The following TAB3 variants were observed in gnomAD, a reference collection of about 807,000 sequenced individuals.
The protein encoded by TAB3 is TGF-beta-activated kinase 1 and MAP3K7-binding protein 3.
In TAB3, 18 loss-of-function variants were observed where a neutral mutation model predicts 48.1. The observed-to-expected ratio is 0.37, with a 90% CI of 0.26 to 0.55. The LOEUF (loss-of-function observed/expected upper bound fraction) is 0.55, where lower values mean the gene tolerates loss of function less well. Ranked by LOEUF, TAB3 falls within the 20% of genes least tolerant of loss-of-function variation. The pLI, the probability that TAB3 is intolerant of heterozygous loss-of-function variation, is 0.78. For synonymous variants in TAB3, 185 were observed against 190.2 expected (o/e 0.97, Z 0.22); for missense variants, 414 against 549.8 (o/e 0.75, Z 2.47).
intron 1 of TAB3, among the ~76,000 whole-genome samples, chrX:30,876,837 T>C (rs1237904709): frequency 9.0e-6 from 1 of 111,566 alleles, no homozygotes; most frequent in African/African-American, 3.3e-5. Flanking sequence ...GTTGAGACAG[T>C]GAACCAAAAG....
intron 1 of TAB3, among the ~76,000 whole-genome samples, chrX:30,888,066 T>G (rs1732431716): frequency 8.9e-6 from 1 of 112,161 alleles, no homozygotes; most frequent in African/African-American, 3.2e-5. Context: ...CTGTGCAAAA[T>G]TAAACTCTCA....
chrX:30,843,105 A>ATT, intron 8 of TAB3, 56 bp from the exon 9 acceptor site: 5 of 693,895 alleles, frequency 7.2e-6, no homozygotes, highest in Non-Finnish European at 1.1e-5. Flanking sequence ...CTGTTATTTG[A>ATT]TTTTTTTTTA....
Position 30,873,438 on chromosome X carries a change from T to C in TAB3, c.-382-1637A>G, listed in dbSNP as rs376097862. 1.2e-4 allele frequency among the ~76,000 whole-genome samples: 12 copies of C among 102,607 alleles called. No homozygotes were observed. The East Asian group carries it at 2.7e-3, about 23-fold the overall frequency. The allele number at this position is 102,607 out of a possible 115,157, so 89.1% of individuals were successfully genotyped here. ...TACTCGGGAGGCTGAGGCAGGAGAA[T>C]GGCGTGAACCCGGGAGGCGGAGCTT... On this transcript the variant is annotated intron_variant, in intron 1 of 10. Transcript: ENST00000288422.
intron 8 of TAB3, chrX:30,843,476 T>C (rs1440142662): frequency 8.9e-6 from 1 of 112,179 alleles, no homozygotes; most frequent in East Asian, 2.8e-4. Context: ...TTTATCATAA[T>C]TTACCTTAAA....
At chrX:30,869,064 ATTT>A (rs1292480074) in intron 2 of TAB3, among the ~76,000 whole-genome samples, 1 of 98,974 alleles carries the variant, frequency 1.0e-5, no homozygotes, top group East Asian at 3.1e-4. Context: ...TCCACCCCAC[ATTT>A]TTTTTTTTTT....
At chrX:30,879,774 A>G (rs759485485) in intron 1 of TAB3, among the ~76,000 whole-genome samples, 16 of 111,935 alleles carry the variant, frequency 1.4e-4, no homozygotes, top group Non-Finnish European at 2.8e-4. Flanking sequence ...AAAGTATAAC[A>G]TTTCGAAAGG....
intron 1 of TAB3, among the ~76,000 whole-genome samples, chrX:30,888,053 A>T (rs1940180476): frequency 8.9e-6 from 1 of 112,109 alleles, no homozygotes; most frequent in Non-Finnish European, 1.9e-5. Context: ...TTATAATTTA[A>T]CACTGTGCAA....
chrX:30,859,051 A>G (rs1301927637), intron 5 of TAB3, among the ~76,000 whole-genome samples: 1 of 111,664 alleles, frequency 9.0e-6, no homozygotes, highest in Non-Finnish European at 1.9e-5. Flanking sequence ...AGGGACTGAT[A>G]GTACAACCCA....
At chrX:30,856,094 G>A (rs1177351520) in intron 5 of TAB3, among the ~76,000 whole-genome samples, 4 of 111,816 alleles carry the variant, frequency 3.6e-5, no homozygotes, top group Non-Finnish European at 7.5e-5. Context: ...TTCTAAAGCA[G>A]CCCTCATTTT....
At chrX:30,836,669 CCT>C (rs1481513061) in intron 9 of TAB3, 1 of 111,049 alleles carries the variant, frequency 9.0e-6, no homozygotes, top group Admixed American at 9.6e-5. Context: ...ATGGCGAAAC[CCT>C]GTCTCCACAA....
intron 4 of TAB3, among the ~76,000 whole-genome samples, chrX:30,862,409 T>A (rs1489042141): frequency 8.9e-6 from 1 of 111,855 alleles, no homozygotes; most frequent in Non-Finnish European, 1.9e-5. Context: ...CAACCTTAAT[T>A]ACAAGCCTTT....
intron 1 of TAB3, among the ~76,000 whole-genome samples, chrX:30,877,023 AC>A (rs771028166): frequency 8.9e-6 from 1 of 111,888 alleles, no homozygotes; most frequent in African/African-American, 3.2e-5. Flanking sequence ...CTGTCAAACC[AC>A]ATGTGTAACA....
At chrX:30,839,934 AT>A (rs1408022671) in intron 9 of TAB3, among the ~76,000 whole-genome samples, 112 of 96,507 alleles carry the variant, frequency 1.2e-3, no homozygotes, top group African/African-American at 3.2e-3. Flanking sequence ...ATATATATAT[AT>A]ATATATATAA....
chrX:30,865,934 A>G (rs1034403492), intron 4 of TAB3, among the ~76,000 whole-genome samples: 74 of 112,169 alleles, frequency 6.6e-4, no homozygotes, highest in African/African-American at 2.3e-3. Flanking sequence ...TTTTTCATGC[A>G]TATATGTAAA....
At chrX:30,853,001 G>T in intron 6 of TAB3, 63 bp from the exon 7 acceptor site, 2 of 1,087,284 alleles carry the variant, frequency 1.8e-6, no homozygotes, top group Non-Finnish European at 2.5e-6. Flanking sequence ...GGAAAATTTC[G>T]ATATGCACTG....
intron 2 of TAB3, among the ~76,000 whole-genome samples, chrX:30,868,880 A>G (rs1939584269): frequency 9.4e-6 from 1 of 106,928 alleles, no homozygotes; most frequent in Non-Finnish European, 1.9e-5. Context: ...TATATCATAC[A>G]TTTAATTTTG....
chrX:30,863,558 C>G (rs780245259), intron 4 of TAB3, among the ~76,000 whole-genome samples: 34 of 111,606 alleles, frequency 3.0e-4, no homozygotes, highest in South Asian at 3.7e-4. Flanking sequence ...CACTCAAGAT[C>G]TGATTGTTTA....
At position 30,854,062 on chromosome X, in the gene TAB3, G is replaced by A; in HGVS notation, c.1549+54C>T. 4 of 1,117,231 alleles carry A rather than the reference G, an allele frequency of 3.6e-6. No homozygotes were observed. The South Asian group carries it at 6.6e-5, about 18-fold the overall frequency. 92.1% of individuals were successfully genotyped at this position (1,117,231 alleles called of 1,213,427 possible). ...ACTAAACAGCTAATATATTTGAATG[G>A]GAGACTGCTGCCTCACCACAGAAAT... is the stretch of plus-strand genomic sequence containing the variant. On this transcript the variant is annotated intron_variant, in intron 6 of 10. Transcript: ENST00000288422.
At chrX:30,858,108 G>GA (rs753919716) in intron 5 of TAB3, among the ~76,000 whole-genome samples, 70 of 112,039 alleles carry the variant, frequency 6.2e-4, no homozygotes, top group Non-Finnish European at 1.1e-3. Flanking sequence ...AGAAAAAAGT[G>GA]AAAGACTTAG....
Sources: allele counts gnomAD v4.1 joint callset (sites outside exome capture counted in the v4.1 genomes callset), GRCh38; gene constraint gnomAD v4.1.1; transcripts MANE v1.5; gene names NCBI Gene and HGNC (gene_info 2026-07-23, HGNC 2026-07-21).